Variants in OSBPL5 observed in about 807,000 individuals in gnomAD.
OSBPL5 encodes the protein oxysterol-binding protein-related protein 5.
In OSBPL5, 71 loss-of-function variants were observed where a neutral mutation model predicts 111.2. That is an observed-to-expected ratio of 0.64 (90% CI 0.53 to 0.78). The LOEUF is 0.78. Ranked by LOEUF, OSBPL5 falls within the 30% of genes least tolerant of loss-of-function variation. The pLI is 0.00. For synonymous variants in OSBPL5, 549 were observed against 513.9 expected (o/e 1.07, Z -0.93); for missense variants, 1,210 against 1,189.3 (o/e 1.02, Z -0.26).
chr11:3,112,475 T>C (rs56041125), intron 7 of OSBPL5, among the ~76,000 whole-genome samples: 2 of 116,780 alleles, frequency 1.7e-5, no homozygotes, highest in Non-Finnish European at 3.4e-5. Context: ...TGTGTTTTCT[T>C]TTCTTTTTTT....
chr11:3,101,731 C>T, intron 12 of OSBPL5, 32 bp from the exon 13 acceptor site: 1 of 1,568,170 alleles, frequency 6.4e-7, no homozygotes, highest in South Asian at 1.1e-5. Flanking sequence ...TGTAAACAGC[C>T]CCGGAAACAG....
intron 7 of OSBPL5, among the ~76,000 whole-genome samples, chr11:3,112,029 G>GTGTATGTGTGCGCGCATGTGTGTGCA (rs1564837321): frequency 2.8e-5 from 3 of 108,982 alleles, no homozygotes; most frequent in African/African-American, 1.3e-4. Context: ...GTGTGCATGT[G>GTGTATGTGTGCGCGCATGTGTGTGCA]TGTGTATGTG....
At chr11:3,137,055 G>C (rs868070677) in intron 1 of OSBPL5, among the ~76,000 whole-genome samples, 1 of 152,310 alleles carries the variant, frequency 6.6e-6, no homozygotes. Flanking sequence ...ATCAGTTAAA[G>C]GACAGCAGCC....
At chr11:3,134,603 GC>G in intron 1 of OSBPL5, among the ~76,000 whole-genome samples, 1 of 152,360 alleles carries the variant, frequency 6.6e-6, no homozygotes, top group East Asian at 1.9e-4. Context: ...GCCTCTTTGG[GC>G]CTTTTGGAAA....
At chr11:3,097,253 A>C (rs1857305479) in intron 14 of OSBPL5, among the ~76,000 whole-genome samples, 1 of 152,050 alleles carries the variant, frequency 6.6e-6, no homozygotes, top group South Asian at 2.1e-4. Context: ...CAGAGTAACC[A>C]GGAGAGATTT....
At position 3,092,426 on chromosome 11, in the gene OSBPL5, G is replaced by T; in HGVS notation, c.2259+6C>A. The T allele has an allele frequency of 1.3e-6, 2 of 1,575,178 alleles. No homozygotes were observed. Among genetic ancestry groups the T allele is most frequent in the East Asian group, 2.3e-5 (1 of 42,880 alleles). On this transcript the variant is annotated splice_donor_region_variant and intron_variant, in intron 19 of 21. Transcript: ENST00000263650. The surrounding 1 kb of genome is among the most constrained non-coding windows in gnomAD (Gnocchi z 5.4). ...CAGCCCTGGGTGGGGCCTGTGGGGT[G>T]CTGACCTCGTGCCTGGGCCCTGGGC...
intron 1 of OSBPL5, among the ~76,000 whole-genome samples, chr11:3,151,093 CA>C (rs1290084968): frequency 6.6e-6 from 1 of 152,128 alleles, no homozygotes. Context: ...GAGACACAGA[CA>C]GGGGAGAACG....
chr11:3,116,854 C>CAAAAAAAAAAAAAA (rs371907970), intron 7 of OSBPL5, among the ~76,000 whole-genome samples: 8 of 75,478 alleles, frequency 1.1e-4, no homozygotes, highest in Admixed American at 2.9e-4. Flanking sequence ...GACTCCATCA[C>CAAAAAAAAAAAAAA]AAAAAAAAAA....
rs372829923 is a variant in OSBPL5, at chr11:3,114,723, T to C, written c.691+4824A>G. The stretch of plus-strand genomic sequence containing the variant: ...ACGCCATTCTCCTGCCCCAGCCTCC[T>C]GAGTAGCTGGGACTACAGGCGCCCG... On this transcript the variant is annotated intron_variant, in intron 7 of 21. Coordinates refer to ENST00000263650, the MANE Select transcript of OSBPL5 (RefSeq NM_020896.4). Among the ~76,000 whole-genome samples, 866 of 150,288 alleles carry C rather than the reference T, an allele frequency of 5.8e-3. 8 individuals are homozygous for C. The highest frequency in any genetic ancestry group is 0.02 in the African/African-American group (823 of 40,814).
Position 3,154,091 on chromosome 11 carries a change from G to A in OSBPL5, c.-22+11125C>T, listed in dbSNP as rs1022673554. ...GCATTCAAACCGCCGCTGGTGTGTG[G>A]CCCCTTATCCACTCTCCCTGGGAGG... On this transcript the variant is annotated intron_variant, in intron 1 of 21. Coordinates refer to ENST00000263650, the MANE Select transcript of OSBPL5 (RefSeq NM_020896.4). The surrounding 1 kb of genome is among the most constrained non-coding windows in gnomAD (Gnocchi z 4.9). Among the ~76,000 whole-genome samples, 3 of 152,206 alleles carry A rather than the reference G, an allele frequency of 2.0e-5. No homozygotes were observed. Among genetic ancestry groups the A allele is most frequent in the Non-Finnish European group, 2.9e-5 (2 of 68,034 alleles).
At chr11:3,137,895 C>A (rs965351828) in intron 1 of OSBPL5, among the ~76,000 whole-genome samples, 6 of 152,232 alleles carry the variant, frequency 3.9e-5, no homozygotes, top group Admixed American at 6.5e-5. Context: ...CTCAAAGGAG[C>A]ACAGCTGAAG....
chr11:3,111,994 C>T (rs1220185741), intron 7 of OSBPL5, among the ~76,000 whole-genome samples: 1 of 97,374 alleles, frequency 1.0e-5, no homozygotes, highest in African/African-American at 3.2e-5. Context: ...CATGTGTGTG[C>T]ATGTGTGTGT....
chr11:3,148,944 C>T (rs10466385), intron 1 of OSBPL5, among the ~76,000 whole-genome samples: 55,188 of 152,110 alleles, frequency 0.36, 10,657 homozygotes, highest in Non-Finnish European at 0.42. Context: ...GCTGAGTAGC[C>T]TCTGCTGTGG....
chr11:3,157,437 C>T (rs1846808154), intron 1 of OSBPL5, among the ~76,000 whole-genome samples: 2 of 152,166 alleles, frequency 1.3e-5, no homozygotes, highest in African/African-American at 4.8e-5. Context: ...AGCTAGCTAG[C>T]CTAGATGTCT....
chr11:3,104,385 A>T lies in OSBPL5; in HGVS notation c.1060-8T>A. On this transcript the variant is annotated splice_polypyrimidine_tract_variant and splice_region_variant and intron_variant, in intron 9 of 21. Transcript: ENST00000263650. The surrounding 1 kb of genome is among the most constrained non-coding windows in gnomAD (Gnocchi z 5.0). ...CTGGGACGCCTCGCCCAGCTGCAGC[A>T]GACAGGCTGCAGTCAGGCCCTGCCC... is the stretch of plus-strand genomic sequence containing the variant. 6.2e-7 allele frequency: 1 copy of T among 1,606,784 alleles called. No homozygotes were observed.
At chr11:3,093,976 G>T in intron 15 of OSBPL5, 141 bp from the exon 16 acceptor site, 1 of 1,042,212 alleles carries the variant, frequency 9.6e-7, no homozygotes, top group Non-Finnish European at 1.4e-6. Flanking sequence ...CGCCAACGAG[G>T]CCTTCGGGAC....
chr11:3,142,773 C>A lies in OSBPL5; in HGVS notation c.-21-13604G>T, dbSNP rs1183039634. The stretch of plus-strand genomic sequence containing the variant: ...GGTGGAGGCTGGAAGACCAGCAGGT[C>A]TCCCTTCACCTGGGGATCCCCGAGC... On this transcript the variant is annotated intron_variant, in intron 1 of 21. Coordinates refer to ENST00000263650, the MANE Select transcript of OSBPL5 (RefSeq NM_020896.4). This position sits in a 1 kb window ranked among gnomAD's most constrained non-coding sequence, Gnocchi z 7.1. Among the ~76,000 whole-genome samples, 1 of 152,062 alleles carries A rather than the reference C, an allele frequency of 6.6e-6. No individual in the cohort carries two copies. The highest frequency in any genetic ancestry group is 1.5e-5 in the Non-Finnish European group (1 of 68,008).
chr11:3,119,103 G>A (rs1479170335), intron 7 of OSBPL5, among the ~76,000 whole-genome samples: 6 of 151,168 alleles, frequency 4.0e-5, no homozygotes, highest in Admixed American at 1.3e-4. Context: ...TCCATCTCCC[G>A]GGTTCAAGCA....
At chr11:3,122,451 C>A (rs373077041) in intron 3 of OSBPL5, 23 bp from the exon 4 acceptor site, 3 of 1,609,178 alleles carry the variant, frequency 1.9e-6, no homozygotes, top group South Asian at 1.1e-5. Context: ...GGTGGGTATG[C>A]GGGACAGGGC....
Sources: allele counts gnomAD v4.1 joint callset (sites outside exome capture counted in the v4.1 genomes callset), GRCh38; gene constraint gnomAD v4.1.1; non-coding constraint Gnocchi (gnomAD v3.1); transcripts MANE v1.5; gene names NCBI Gene and HGNC (gene_info 2026-07-23, HGNC 2026-07-21).